The following CHRNA2 variants were observed in gnomAD, a reference collection of about 807,000 sequenced individuals.
CHRNA2 encodes the protein neuronal acetylcholine receptor subunit alpha-2.
CHRNA2 carries 40 observed loss-of-function variants against 45.5 expected under a neutral mutation model. The ratio of observed to expected loss-of-function variants is 0.88; its 90% CI spans 0.68 to 1.15. The LOEUF (loss-of-function observed/expected upper bound fraction) is 1.15. Ranked by LOEUF, CHRNA2 falls within the 50% of genes most tolerant of loss-of-function variation. CHRNA2 has a pLI of 0.00. For synonymous variants in CHRNA2, 301 were observed against 296.7 expected, an observed-to-expected ratio of 1.01 and a Z score of -0.15; for missense variants, 655 against 701.7, an observed-to-expected ratio of 0.93 and a Z score of 0.75.
chr8:27,460,214 C>G lies in CHRNA2; in HGVS notation c.*1415G>C, dbSNP rs1812425044. 6.6e-6 allele frequency: 1 copy of G among 152,260 alleles called. No individual in the cohort carries two copies. The highest frequency in any genetic ancestry group is 1.5e-5 in the Non-Finnish European group (1 of 68,086). The allele number at this position is 152,260 out of a possible 1,614,324, so 9.4% of individuals were successfully genotyped here. On this transcript the variant is annotated 3_prime_UTR_variant, in exon 7 of 7. Transcript: ENST00000407991. ...AGCTGCCAATGTCCCACCCTCCAGT[C>G]TGGACAGAGTTGGGGGGAGGTCTGT... is the stretch of plus-strand genomic sequence containing the variant.
rs1428288320 is a variant in CHRNA2, at chr8:27,463,788, T to C, written c.655A>G (p.Thr219Ala). The C allele has an allele frequency of 6.2e-7, 1 of 1,614,166 alleles. No homozygotes were observed. The highest frequency in any genetic ancestry group is 1.7e-5 in the Admixed American group (1 of 60,018). The change falls in exon 6 of 7, where the codon ACT becomes GCT. Residue 219 changes from threonine to alanine, a missense_variant. This residue lies in a region of CHRNA2 where 323 missense variants were observed against 354.4 expected (regional missense o/e 0.91). Coordinates refer to ENST00000407991, the MANE Select transcript of CHRNA2 (RefSeq NM_000742.4). This position sits in a 1 kb window ranked among gnomAD's most constrained non-coding sequence, Gnocchi z 6.1. ...TCCCAGTAGTCCTTCAGGTCCACAG[T>C]CTGCTCCATCTGCTCCAGGTCGATC... is the stretch of plus-strand genomic sequence containing the variant. ...AKIDLEQMEQTVDLKDYWESG... is the reference protein window; with the variant it reads ...AKIDLEQMEQAVDLKDYWESG...
intron 5 of CHRNA2, among the ~76,000 whole-genome samples, chr8:27,466,363 G>T (rs1019291909): frequency 1.3e-5 from 2 of 152,314 alleles, no homozygotes; most frequent in South Asian, 2.1e-4. Context: ...TGGGCTAGGT[G>T]GGTGTCTTTG....
In CHRNA2 at chr8:27,467,285, T is replaced by C. The variant is rs1340876089; in HGVS notation, c.393A>G (p.Thr131=). The change falls in exon 5 of 7, where the codon ACA becomes ACG. Residue 131 remains threonine, a synonymous_variant. Coordinates refer to ENST00000407991, the MANE Select transcript of CHRNA2 (RefSeq NM_000742.4). Reference sequence around the variant, plus strand: ...TCATCTCAGAAGGGACCCTGAGAGATGTGATGTTGCCAAAATCAGTGGGGT... The same window carrying C: ...TCATCTCAGAAGGGACCCTGAGAGACGTGATGTTGCCAAAATCAGTGGGGT... ...RWNPTDFGNI[T]SLRVPSEMIW... 1.9e-6 allele frequency: 3 copies of C among 1,614,088 alleles called. No individual in the cohort carries two copies. Among genetic ancestry groups the C allele is most frequent in the Non-Finnish European group, 2.5e-6 (3 of 1,179,932 alleles).
intron 5 of CHRNA2, 30 bp downstream of exon 5, chr8:27,467,199 C>T: frequency 6.3e-7 from 1 of 1,580,120 alleles, no homozygotes; most frequent in Non-Finnish European, 8.7e-7. Flanking sequence ...GGCCTCCCCT[C>T]ATCCCCCCAG....
At position 27,473,246 on chromosome 8, in the gene CHRNA2, C is replaced by A. The variant is rs980068137; in HGVS notation, c.-136-2052G>T. The stretch of plus-strand genomic sequence containing the variant: ...AGGCTCTCGGTACAGCTAGTGGGTG[C>A]AGGATTTCCTTTGGAAGGGTGAGAA... On this transcript the variant is annotated intron_variant, in intron 1 of 6. Transcript: ENST00000407991. 5.9e-5 allele frequency among the ~76,000 whole-genome samples: 9 copies of A among 152,098 alleles called. No individual in the cohort carries two copies. In the South Asian group the frequency reaches 1.9e-3, roughly 32 times the overall value.
In CHRNA2 at chr8:27,463,916, G is replaced by A. The variant is rs769273715; in HGVS notation, c.527C>T (p.Pro176Leu). ...FSTGTVHWVP[P>L]AIYKSSCSID... The stretch of plus-strand genomic sequence containing the variant: ...GCTGCAGGAGCTCTTGTAGATGGCC[G>A]GGGGCACCCAGTGCACAGTGCCCGT... Residue 176 changes from proline (P) to leucine (L), a missense_variant, in exon 6 of 7, where the codon CCG becomes CTG. Physicochemically the swap from Pro to Leu is moderately conservative, Grantham distance 98 (BLOSUM62 -3). This residue lies in a region of CHRNA2 where 323 missense variants were observed against 354.4 expected (regional missense o/e 0.91). Coordinates refer to ENST00000407991, the MANE Select transcript of CHRNA2 (RefSeq NM_000742.4). The surrounding 1 kb of genome is among the most constrained non-coding windows in gnomAD (Gnocchi z 6.1). 11 of 1,613,990 alleles carry A rather than the reference G, an allele frequency of 6.8e-6. No individual in the cohort carries two copies. The highest frequency in any genetic ancestry group is 4.0e-5 in the African/African-American group (3 of 74,902).
chr8:27,478,434 G>A lies in CHRNA2; in HGVS notation c.-137+390C>T, dbSNP rs76502247. 9.0e-3 allele frequency among the ~76,000 whole-genome samples: 1,373 copies of A among 152,246 alleles called. 19 individuals carry two copies. Among genetic ancestry groups the A allele is most frequent in the African/African-American group, 0.031 (1,292 of 41,532 alleles). ...AGCTGTAAAGAACTTGAAGAACCTT[G>A]GAAGGTATTTACCTTCTAAGTCAGT... is the stretch of plus-strand genomic sequence containing the variant. On this transcript the variant is annotated intron_variant, in intron 1 of 6. Coordinates refer to ENST00000407991, the MANE Select transcript of CHRNA2 (RefSeq NM_000742.4).
chr8:27,462,677 G>A (rs573606173), intron 6 of CHRNA2, among the ~76,000 whole-genome samples: 18 of 152,340 alleles, frequency 1.2e-4, no homozygotes, highest in Middle Eastern at 3.4e-3. Context: ...AGCTGGCGGC[G>A]TGAGGGAGGC....
intron 1 of CHRNA2, among the ~76,000 whole-genome samples, chr8:27,473,408 A>G (rs1011860659): frequency 7.2e-5 from 11 of 152,196 alleles, no homozygotes; most frequent in Admixed American, 6.5e-4. Context: ...CTTTAAAAAT[A>G]TAAACCAAGG....
At chr8:27,471,299 C>A in intron 1 of CHRNA2, 105 bp from the exon 2 acceptor site, 1 of 472,184 alleles carries the variant, frequency 2.1e-6, no homozygotes. Context: ...AAAAGGCCCT[C>A]AGCAGGCCTC....
At chr8:27,468,568 CCAGG>C (rs1812770805) in intron 4 of CHRNA2, among the ~76,000 whole-genome samples, 1 of 152,180 alleles carries the variant, frequency 6.6e-6, no homozygotes, top group Non-Finnish European at 1.5e-5. Flanking sequence ...CCCTGAACCA[CCAGG>C]CAGGATGTCT....
chr8:27,478,722 C>T (rs1327413368), intron 1 of CHRNA2, 102 bp downstream of exon 1: 3 of 152,138 alleles, frequency 2.0e-5, no homozygotes, highest in African/African-American at 7.2e-5. Context: ...GACATAACCC[C>T]CTCCTGAGTA....
Position 27,471,149 on chromosome 8 carries a change from G to C in CHRNA2, c.-91C>G. The C allele has an allele frequency of 1.6e-6, 2 of 1,250,074 alleles. No homozygotes were observed. The highest frequency in any genetic ancestry group is 1.2e-6 in the Non-Finnish European group (1 of 859,984). The allele number at this position is 1,250,074 out of a possible 1,614,324, so 77.4% of individuals were successfully genotyped here. ...CCCAGCAGAGCTGCTGCTGGATTCT[G>C]TGAGGATTCTGCTGGATTCTGCGAG... On this transcript the variant is annotated 5_prime_UTR_variant, in exon 2 of 7. Transcript: ENST00000407991.
chr8:27,473,157 T>G (rs1423606825), intron 1 of CHRNA2, among the ~76,000 whole-genome samples: 1 of 152,054 alleles, frequency 6.6e-6, no homozygotes, highest in African/African-American at 2.4e-5. Flanking sequence ...GCCCCCCTTA[T>G]GGAGAGAAGA....
intron 4 of CHRNA2, among the ~76,000 whole-genome samples, chr8:27,468,889 G>T (rs1812781025): frequency 6.6e-6 from 1 of 152,220 alleles, no homozygotes; most frequent in Non-Finnish European, 1.5e-5. Flanking sequence ...TTGGGTGGCA[G>T]TATAGGTATT....
chr8:27,467,120 G>C, intron 5 of CHRNA2, 109 bp downstream of exon 5: 1 of 773,396 alleles, frequency 1.3e-6, no homozygotes, highest in Non-Finnish European at 2.3e-6. Context: ...CACAGCAGTC[G>C]AGAAGGAGGC....
In CHRNA2 at chr8:27,463,391, T is replaced by A. The variant is rs770305730; in HGVS notation, c.1052A>T (p.Asn351Ile). 4 of 1,613,952 alleles carry A rather than the reference T, an allele frequency of 2.5e-6. No homozygotes were observed. Among genetic ancestry groups the A allele is most frequent in the Middle Eastern group, 3.3e-4 (2 of 6,062 alleles). ...LSIVITVFVL[N>I]VHHRSPSTHT... is the part of the protein sequence containing the mutation. ...GGTGCTGGGGGAGCGGTGGTGCACA[T>A]TGAGCACGAAGACGGTGATGACGAT... Residue 351 changes from asparagine to isoleucine, a missense_variant, in exon 6 of 7, where the codon AAT becomes ATT. Around this residue, in one of 3 missense-constraint regions of CHRNA2, gnomAD observed 295 missense variants for 280.4 expected, o/e 1.05. Transcript: ENST00000407991. This position sits in a 1 kb window ranked among gnomAD's most constrained non-coding sequence, Gnocchi z 6.1.
chr8:27,477,115 C>T (rs1303849190), intron 1 of CHRNA2: 3 of 152,058 alleles, frequency 2.0e-5, no homozygotes, highest in East Asian at 3.8e-4. Flanking sequence ...TAAATTATAA[C>T]GTGGTGTTAA....
rs1812478889 is a variant in CHRNA2, at chr8:27,461,358, C to A, written c.*271G>T. On this transcript the variant is annotated 3_prime_UTR_variant, in exon 7 of 7. Coordinates refer to ENST00000407991, the MANE Select transcript of CHRNA2 (RefSeq NM_000742.4). ...GCACTGCTCCTCCAGGAGAATCTTA[C>A]TCTGCCCCACTTGGTCACCACACTA... is the stretch of plus-strand genomic sequence containing the variant. 2.0e-6 allele frequency: 1 copy of A among 495,446 alleles called. No individual in the cohort carries two copies. Among genetic ancestry groups the A allele is most frequent in the African/African-American group, 1.9e-5 (1 of 51,672 alleles). The allele number at this position is 495,446 out of a possible 1,614,324, so 30.7% of individuals were successfully genotyped here.
Sources: allele counts gnomAD v4.1 joint callset (sites outside exome capture counted in the v4.1 genomes callset), GRCh38; gene constraint gnomAD v4.1.1; regional missense constraint gnomAD v4.1.1; non-coding constraint Gnocchi (gnomAD v3.1); transcripts MANE v1.5; gene names NCBI Gene and HGNC (gene_info 2026-07-23, HGNC 2026-07-21).